The following OTULIN variants were observed in gnomAD, a reference collection of about 807,000 sequenced individuals.
The protein encoded by OTULIN is ubiquitin thioesterase otulin.
Under a neutral mutation model 39.6 loss-of-function variants are expected in OTULIN, and 15 were observed. That is an observed-to-expected ratio of 0.38 (90% CI 0.25 to 0.58). The LOEUF (loss-of-function observed/expected upper bound fraction) is 0.58, where lower values mean the gene tolerates loss of function less well. Ranked by LOEUF, OTULIN falls within the 20% of genes least tolerant of loss-of-function variation. The probability of loss-of-function intolerance (pLI) is 0.66; values close to 1 mark genes in which losing one functional copy is unlikely to be tolerated. For missense variants in OTULIN, 319 were observed against 445.9 expected (o/e 0.72, Z 2.56); for synonymous variants, 156 against 170.3 (o/e 0.92, Z 0.65).
downstream of OTULIN, among the ~76,000 whole-genome samples, chr5:14,703,323 TCAAAAAAAAAAAAAAAAAAAAAAA>T (rs1736845634): frequency 1.4e-5 from 1 of 69,794 alleles, no homozygotes; most frequent in Non-Finnish European, 2.7e-5. Flanking sequence ...TTTAATAGTG[TCAAAAAAAAAAAAAAAAAAAAAAA>T]AAAAAAAAAA....
Position 14,674,527 on chromosome 5 carries a change from G to A in OTULIN, c.229+809G>A, listed in dbSNP as rs181450640. ...TCCCAGCACTTGGGGAGGCCGAGGC[G>A]GGCGGATTGCTTGAGTCCAGGAGTT... On this transcript the variant is annotated intron_variant, in intron 2 of 6. Coordinates refer to ENST00000284274, the MANE Select transcript of OTULIN (RefSeq NM_138348.6). Among the ~76,000 whole-genome samples the A allele has an allele frequency of 4.5e-3, 689 of 152,326 alleles. 4 individuals carry two copies. Among genetic ancestry groups the A allele is most frequent in the African/African-American group, 0.016 (651 of 41,574 alleles).
the OTULIN span, among the ~76,000 whole-genome samples, chr5:14,715,523 A>G: frequency 1.3e-5 from 2 of 152,194 alleles, no homozygotes; most frequent in African/African-American, 2.4e-5. Context: ...ATTTTTGACT[A>G]GGTGACACAC....
intron 6 of OTULIN, among the ~76,000 whole-genome samples, 194 bp from the exon 7 acceptor site, chr5:14,692,660 A>C (rs1243673575): frequency 6.9e-6 from 1 of 145,424 alleles, no homozygotes; most frequent in African/African-American, 2.5e-5. Context: ...CAGACATATG[A>C]TCCATTCTTG....
rs1036192871 is a variant in OTULIN, at chr5:14,695,918, G to T, written c.*2870G>T. 1 of 150,966 alleles carries T rather than the reference G, an allele frequency of 6.6e-6. No individual in the cohort carries two copies. The highest frequency in any genetic ancestry group is 2.4e-5 in the African/African-American group (1 of 41,140). 9.4% of individuals were successfully genotyped at this position (150,966 alleles called of 1,614,324 possible). The stretch of plus-strand genomic sequence containing the variant: ...TCTTTATTTAGCGATTTACACTTTT[G>T]TTACTCTATTATATATTCAGTTAGT... On this transcript the variant is annotated 3_prime_UTR_variant, in exon 7 of 7. Coordinates refer to ENST00000284274, the MANE Select transcript of OTULIN (RefSeq NM_138348.6).
At chr5:14,713,330 A>G in the OTULIN span, among the ~76,000 whole-genome samples, 61 of 152,144 alleles carry the variant, frequency 4.0e-4, no homozygotes, top group Admixed American at 1.2e-3. The surrounding 1 kb of genome is among the most constrained non-coding windows in gnomAD (Gnocchi z 4.4). Flanking sequence ...CTCAGTGGCT[A>G]TTATTCGTGT....
the OTULIN span, among the ~76,000 whole-genome samples, chr5:14,714,275 C>T: frequency 1.3e-5 from 2 of 152,248 alleles, no homozygotes; most frequent in African/African-American, 4.8e-5. Context: ...GCTGCATGGC[C>T]TGCCCATGCC....
In OTULIN at chr5:14,693,323, CT is replaced by C. The variant is rs1192694656; in HGVS notation, c.*279del. The C allele has an allele frequency of 3.2e-6, 1 of 308,840 alleles. No individual in the cohort carries two copies. The highest frequency in any genetic ancestry group is 5.9e-6 in the Non-Finnish European group (1 of 169,296). 19.1% of individuals were successfully genotyped at this position (308,840 alleles called of 1,614,324 possible). ...CCATATCTTCTCCAGAAGGCAAATA[CT>C]TTTGTATCAGAGGAAACTCAGTTTT... On this transcript the variant is annotated 3_prime_UTR_variant, in exon 7 of 7. Coordinates refer to ENST00000284274, the MANE Select transcript of OTULIN (RefSeq NM_138348.6).
intron 3 of OTULIN, among the ~76,000 whole-genome samples, chr5:14,679,126 C>G (rs745991349): frequency 6.6e-6 from 1 of 152,124 alleles, no homozygotes; most frequent in Non-Finnish European, 1.5e-5. Flanking sequence ...TGCCTCAGGC[C>G]GATTCCACAC....
At chr5:14,704,829 C>G (rs1238103899), downstream of OTULIN, 1 of 152,144 alleles carries the variant, frequency 6.6e-6, no homozygotes, top group Non-Finnish European at 1.5e-5. Flanking sequence ...TTAAGCTTTA[C>G]TTAAAGTAAA....
the OTULIN span, chr5:14,711,406 C>T: frequency 6.6e-6 from 7 of 1,066,940 alleles, no homozygotes; most frequent in African/African-American, 1.5e-5. Context: ...CTTGGGGGAC[C>T]CCTCACTGTA....
In OTULIN at chr5:14,673,608, G is replaced by A. The variant is rs557374671; in HGVS notation, c.153-34G>A. On this transcript the variant is annotated intron_variant, in intron 1 of 6. Coordinates refer to ENST00000284274, the MANE Select transcript of OTULIN (RefSeq NM_138348.6). The stretch of plus-strand genomic sequence containing the variant: ...AGGACGGAAAATGTCAGTGCAACAA[G>A]TGTTTGAAAATGTCTGCTTTGGTGT... The A allele has an allele frequency of 1.3e-4, 204 of 1,599,838 alleles. 2 individuals are homozygous for A. The highest frequency in any genetic ancestry group is 8.8e-4 in the South Asian group (79 of 89,824).
At chr5:14,678,171 G>A (rs546982625) in intron 2 of OTULIN, among the ~76,000 whole-genome samples, 4 of 152,222 alleles carry the variant, frequency 2.6e-5, no homozygotes, top group African/African-American at 4.8e-5. Context: ...GATACAAGGT[G>A]CCAGCTGACT....
At position 14,678,305 on chromosome 5, in the gene OTULIN, TAGG is replaced by T. The variant is rs1736157084; in HGVS notation, c.230-373_230-371del. Among the ~76,000 whole-genome samples the T allele has an allele frequency of 2.6e-5, 4 of 151,988 alleles. No homozygotes were observed. The South Asian group carries it at 8.3e-4, about 32-fold the overall frequency. ...CTGGAGCCCACTCAGTGGGGAATGGTAGGAGCAGAGACCAGAGAGGCAGAGAGG... is the reference window on the plus strand; with the variant it reads ...CTGGAGCCCACTCAGTGGGGAATGGTAGCAGAGACCAGAGAGGCAGAGAGG... On this transcript the variant is annotated intron_variant, in intron 2 of 6. Transcript: ENST00000284274.
At chr5:14,707,191 A>T in the OTULIN span, 2 of 152,178 alleles carry the variant, frequency 1.3e-5, no homozygotes, top group African/African-American at 2.4e-5. Flanking sequence ...AAGTAGAAAG[A>T]TTTTTAAATA....
chr5:14,682,223 T>C (rs1188712260), intron 4 of OTULIN, among the ~76,000 whole-genome samples: 1 of 152,232 alleles, frequency 6.6e-6, no homozygotes, highest in Admixed American at 6.5e-5. Context: ...GGTGATAGAC[T>C]ATCCTGAAAG....
rs531415490 is a variant in OTULIN at position 14,697,607 on chromosome 5, G to A, written c.*4559G>A. 7.9e-5 allele frequency: 12 copies of A among 152,310 alleles called. No individual in the cohort carries two copies. Among genetic ancestry groups the A allele is most frequent in the African/African-American group, 2.6e-4 (11 of 41,570 alleles). The allele number at this position is 152,310 out of a possible 1,614,324, so 9.4% of individuals were successfully genotyped here. On this transcript the variant is annotated 3_prime_UTR_variant, in exon 7 of 7. Transcript: ENST00000284274. ...ACACATACATTAATTGTATTGAAAT[G>A]TTATATCAATACATCATTTATGATG...
intron 4 of OTULIN, among the ~76,000 whole-genome samples, chr5:14,684,967 C>T (rs984799426): frequency 3.3e-5 from 5 of 152,308 alleles, no homozygotes; most frequent in Admixed American, 2.6e-4. Flanking sequence ...GTTTGTTGTT[C>T]CCATTTCTGC....
In OTULIN at chr5:14,693,429, A is replaced by AT. The variant is rs143563486; in HGVS notation, c.*390dup. On this transcript the variant is annotated 3_prime_UTR_variant, in exon 7 of 7. Transcript: ENST00000284274. ...GGCTTCTAATTTTTTTAAGTACAGT[A>AT]TTTTTTTTTCCCCTTTAGTAGTAAC... is the stretch of plus-strand genomic sequence containing the variant. 1.8e-4 allele frequency: 30 copies of AT among 167,914 alleles called. No individual in the cohort carries two copies. The highest frequency in any genetic ancestry group is 6.7e-4 in the East Asian group (4 of 5,938). The allele number at this position is 167,914 out of a possible 1,614,324, so 10.4% of individuals were successfully genotyped here.
intron 5 of OTULIN, among the ~76,000 whole-genome samples, chr5:14,689,679 G>A (rs1221792971): frequency 6.6e-6 from 1 of 152,102 alleles, no homozygotes; most frequent in African/African-American, 2.4e-5. Context: ...CCTTATAATT[G>A]TAGCTGCCCT....
Sources: gnomAD v4.1 joint callset for allele counts (sites outside exome capture counted in the v4.1 genomes callset) on GRCh38, gnomAD v4.1.1 for gene constraint, Gnocchi (gnomAD v3.1) non-coding constraint, MANE v1.5 for transcripts, NCBI Gene and HGNC (gene_info 2026-07-23, HGNC 2026-07-21) for gene names.